The following SERINC5 variants were observed in gnomAD, a reference collection of about 807,000 sequenced individuals.
SERINC5 encodes the protein serine incorporator 5, also known as chromosome 5 open reading frame 12.
SERINC5 carries 41 observed loss-of-function variants against 63.1 expected under a neutral mutation model. That is an observed-to-expected ratio of 0.65 (90% CI 0.51 to 0.84). The LOEUF (loss-of-function observed/expected upper bound fraction) is 0.84. Ranked by LOEUF, SERINC5 falls within the 40% of genes least tolerant of loss-of-function variation. SERINC5 has a pLI of 0.00. For synonymous variants in SERINC5, 222 were observed against 215.2 expected (o/e 1.03, Z -0.28); for missense variants, 523 against 573.0 (o/e 0.91, Z 0.89).
At chr5:80,169,571 A>C in intron 5 of SERINC5, 25 bp from the exon 6 acceptor site, 1 of 1,583,148 alleles carries the variant, frequency 6.3e-7, no homozygotes, top group Non-Finnish European at 8.6e-7. Flanking sequence ...AGTGGGTAAG[A>C]GGGAGAGGAG....
chr5:80,112,356 C>T (rs996745873), intron 12 of SERINC5, among the ~76,000 whole-genome samples: 2 of 152,178 alleles, frequency 1.3e-5, no homozygotes, highest in African/African-American at 4.8e-5. Flanking sequence ...TAGTACCTTC[C>T]CTTGAACTTA....
intron 2 of SERINC5, among the ~76,000 whole-genome samples, chr5:80,200,721 G>A (rs1383628930): frequency 6.6e-6 from 1 of 152,076 alleles, no homozygotes; most frequent in African/African-American, 2.4e-5. Context: ...GCTTCAGAAG[G>A]CCTATTTTAA....
At chr5:80,196,710 G>A (rs145188535) in intron 2 of SERINC5, among the ~76,000 whole-genome samples, 1,996 of 152,240 alleles carry the variant, frequency 0.013, 21 homozygotes, top group South Asian at 0.03. Context: ...AGGCCAAGGC[G>A]GGCAGATCAC....
At chr5:80,209,274 G>A (rs138734159) in intron 1 of SERINC5, among the ~76,000 whole-genome samples, 2,673 of 152,210 alleles carry the variant, frequency 0.018, 36 homozygotes, top group Non-Finnish European at 0.028. Context: ...CTGTCTCAAC[G>A]AAAAAGGTAT....
rs534001057 is a variant in SERINC5 at position 80,229,158 on chromosome 5, G to GGATTAC, written c.28-26111_28-26106dup. 4.4e-3 allele frequency among the ~76,000 whole-genome samples: 660 copies of GGATTAC among 150,412 alleles called. 2 individuals are homozygous for GGATTAC. Among genetic ancestry groups the GGATTAC allele is most frequent in the African/African-American group, 0.016 (641 of 41,046 alleles). On this transcript the variant is annotated intron_variant, in intron 1 of 11. Coordinates refer to ENST00000507668, the MANE Select transcript of SERINC5 (RefSeq NM_001174072.3). Reference sequence around the variant, plus strand: ...TGTGCCTCAGCCTCCCCAGTAGCTAGGATTACAGGCGCATGCCACCACGCC... The same window carrying GGATTAC: ...TGTGCCTCAGCCTCCCCAGTAGCTAGGATTACGATTACAGGCGCATGCCACCACGCC...
At chr5:80,138,025 C>G (rs971906162), downstream of SERINC5, among the ~76,000 whole-genome samples, 1 of 152,002 alleles carries the variant, frequency 6.6e-6, no homozygotes, top group Non-Finnish European at 1.5e-5. Context: ...TTTGGAGGAA[C>G]CTAGAAGACA....
Position 80,255,929 on chromosome 5 carries a change from G to T in SERINC5, c.-7C>A, listed in dbSNP as rs758768582. 4 of 1,553,574 alleles carry T rather than the reference G, an allele frequency of 2.6e-6. No individual in the cohort carries two copies. The highest frequency in any genetic ancestry group is 2.8e-5 in the African/African-American group (2 of 70,592). ...CACAGCACTGAGCTGACATCGCGGC[G>T]GCCAATGCCGAAGGCGCGCTCGCTG... On this transcript the variant is annotated 5_prime_UTR_variant, in exon 1 of 12. Transcript: ENST00000507668.
Position 80,142,347 on chromosome 5 carries a change from C to A in SERINC5, c.*1316G>T. On this transcript the variant is annotated 3_prime_UTR_variant, in exon 12 of 12. Coordinates refer to ENST00000507668, the MANE Select transcript of SERINC5 (RefSeq NM_001174072.3). ...CTCCCGGGTTCAAGTGATTCTCATG[C>A]CTCAGCCTTCGAGTAGCTGGCATTA... is the stretch of plus-strand genomic sequence containing the variant. 1 of 911,864 alleles carries A rather than the reference C, an allele frequency of 1.1e-6. No homozygotes were observed. The highest frequency in any genetic ancestry group is 1.3e-6 in the Non-Finnish European group (1 of 762,982). The allele number at this position is 911,864 out of a possible 1,614,324, so 56.5% of individuals were successfully genotyped here. A position where few individuals can be genotyped will look rare whatever the true frequency, so the allele number is the denominator to read the frequency against.
chr5:80,139,906 G>C lies in SERINC5; in HGVS notation c.*3757C>G. 1.0e-6 allele frequency: 1 copy of C among 985,316 alleles called. No homozygotes were observed. Among genetic ancestry groups the C allele is most frequent in the East Asian group, 1.1e-4 (1 of 8,810 alleles). The allele number at this position is 985,316 out of a possible 1,614,324, so 61.0% of individuals were successfully genotyped here. On this transcript the variant is annotated 3_prime_UTR_variant, in exon 12 of 12. Transcript: ENST00000507668. Reference sequence around the variant, plus strand: ...TAGGACACTAGAGTACACCAAATGAGATACTATTTGGAAAGGCAATAAAGG... The same window carrying C: ...TAGGACACTAGAGTACACCAAATGACATACTATTTGGAAAGGCAATAAAGG...
downstream of SERINC5, chr5:80,138,620 CTG>C (rs1209446683): frequency 5.7e-6 from 1 of 174,706 alleles, no homozygotes; most frequent in Non-Finnish European, 1.1e-5. Flanking sequence ...AAAAAAATTA[CTG>C]TGAGTAGATT....
chr5:80,248,869 CAG>C (rs1752272388), intron 1 of SERINC5, among the ~76,000 whole-genome samples: 1 of 152,118 alleles, frequency 6.6e-6, no homozygotes, highest in South Asian at 2.1e-4. Flanking sequence ...TTGAAAATGA[CAG>C]AAATATATTG....
At position 80,140,666 on chromosome 5, in the gene SERINC5, AAT is replaced by A. The variant is rs1169307728; in HGVS notation, c.*2995_*2996del. 1.0e-6 allele frequency: 1 copy of A among 985,206 alleles called. No homozygotes were observed. The highest frequency in any genetic ancestry group is 1.1e-4 in the East Asian group (1 of 8,820). 61.0% of individuals were successfully genotyped at this position (985,206 alleles called of 1,614,324 possible). On this transcript the variant is annotated 3_prime_UTR_variant, in exon 12 of 12. Coordinates refer to ENST00000507668, the MANE Select transcript of SERINC5 (RefSeq NM_001174072.3). ...TGGGTTTCTGAAGGCTTATAATGGA[AAT>A]AGTCTCTAGTCTCCAGTCAGGTAAC...
In SERINC5 at chr5:80,203,154, G is replaced by C; in HGVS notation, c.28-101C>G. The stretch of plus-strand genomic sequence containing the variant: ...TACACATCTGGAGTCCCTGCTACTC[G>C]GGGGGCTGGAGGATCACTTGAGACT... On this transcript the variant is annotated intron_variant, in intron 1 of 11. Transcript: ENST00000507668. 6 of 1,199,960 alleles carry C rather than the reference G, an allele frequency of 5.0e-6. 1 individual carries two copies. The highest frequency in any genetic ancestry group is 1.4e-5 in the South Asian group (1 of 72,438). The allele number at this position is 1,199,960 out of a possible 1,614,324, so 74.3% of individuals were successfully genotyped here. A position where few individuals can be genotyped will look rare whatever the true frequency, so the allele number is the denominator to read the frequency against.
intron 1 of SERINC5, among the ~76,000 whole-genome samples, chr5:80,238,050 G>A (rs1406925456): frequency 2.1e-5 from 3 of 143,158 alleles, no homozygotes; most frequent in Non-Finnish European, 4.5e-5. Flanking sequence ...ATTGCAGTGA[G>A]CAGAGATCGC....
chr5:80,171,846 A>G (rs1006571978), intron 5 of SERINC5, among the ~76,000 whole-genome samples: 11 of 152,204 alleles, frequency 7.2e-5, no homozygotes, highest in South Asian at 4.1e-4. Flanking sequence ...GCGCCACGGC[A>G]CTCCAGCCTG....
chr5:80,225,893 T>C (rs1751144800), intron 1 of SERINC5, among the ~76,000 whole-genome samples: 1 of 152,168 alleles, frequency 6.6e-6, no homozygotes, highest in Admixed American at 6.5e-5. Flanking sequence ...ACACCAAAAT[T>C]AAAGATGTGA....
Position 80,143,424 on chromosome 5 carries a change from G to A in SERINC5, c.*239C>T, listed in dbSNP as rs990401938. The A allele has an allele frequency of 7.9e-7, 1 of 1,268,506 alleles. No individual in the cohort carries two copies. The highest frequency in any genetic ancestry group is 9.9e-7 in the Non-Finnish European group (1 of 1,006,346). The allele number at this position is 1,268,506 out of a possible 1,614,324, so 78.6% of individuals were successfully genotyped here. On this transcript the variant is annotated 3_prime_UTR_variant, in exon 12 of 12. Coordinates refer to ENST00000507668, the MANE Select transcript of SERINC5 (RefSeq NM_001174072.3). ...CATAACTGGTATCCAGTTCCTAGGG[G>A]TAAGATATTTCAACCATGATCAGTT... is the stretch of plus-strand genomic sequence containing the variant.
At chr5:80,173,265 G>A (rs531016082) in intron 5 of SERINC5, among the ~76,000 whole-genome samples, 2 of 147,570 alleles carry the variant, frequency 1.4e-5, no homozygotes, top group East Asian at 3.9e-4. Context: ...AAGGAAGGAA[G>A]GAAGGAAGGA....
At chr5:80,242,579 G>C (rs1223590390) in intron 1 of SERINC5, among the ~76,000 whole-genome samples, 1 of 152,148 alleles carries the variant, frequency 6.6e-6, no homozygotes, top group Admixed American at 6.6e-5. Context: ...GTGAAAGCTT[G>C]TCTCTACTAA....
Sources: allele counts gnomAD v4.1 joint callset (sites outside exome capture counted in the v4.1 genomes callset), GRCh38; gene constraint gnomAD v4.1.1; transcripts MANE v1.5; gene names NCBI Gene and HGNC (gene_info 2026-07-23, HGNC 2026-07-21).